The following KHDRBS2 variants were observed in gnomAD, a reference collection of about 807,000 sequenced individuals.
KHDRBS2 encodes KH RNA binding domain containing, signal transduction associated 2, also known as KH domain-containing, RNA-binding, signal transduction-associated protein 2.
A neutral mutation model predicts 44.3 loss-of-function variants in KHDRBS2; 26 were observed. The observed-to-expected ratio is 0.59, with a 90% confidence interval of 0.43 to 0.81. The LOEUF is 0.81. Ranked by LOEUF, KHDRBS2 falls within the 40% of genes least tolerant of loss-of-function variation. KHDRBS2 has a pLI of 0.00. For synonymous variants in KHDRBS2, 194 were observed against 151.1 expected (o/e 1.28, Z -2.08); for missense variants, 476 against 433.1 (o/e 1.10, Z -0.88).
At chr6:61,924,410 A>T (rs2127361475) in intron 4 of KHDRBS2, among the ~76,000 whole-genome samples, 1 of 152,240 alleles carries the variant, frequency 6.6e-6, no homozygotes, top group Admixed American at 6.5e-5. Flanking sequence ...AGCTGCATAC[A>T]TCAAAACATT....
intron 6 of KHDRBS2, among the ~76,000 whole-genome samples, chr6:61,756,836 C>T (rs1582637119): frequency 6.6e-6 from 1 of 152,286 alleles, no homozygotes; most frequent in South Asian, 2.1e-4. Context: ...CAAATGTTTT[C>T]TCTTGCTATT....
chr6:61,543,204 A>G, the KHDRBS2 span, among the ~76,000 whole-genome samples: 1 of 152,054 alleles, frequency 6.6e-6, no homozygotes, highest in Non-Finnish European at 1.5e-5. Flanking sequence ...AATATTTGCA[A>G]ACTATCCATC....
intron 7 of KHDRBS2, among the ~76,000 whole-genome samples, chr6:61,721,253 G>A (rs1562028736): frequency 1.3e-5 from 2 of 152,116 alleles, no homozygotes; most frequent in African/African-American, 2.4e-5. Context: ...GATTGACTGG[G>A]CGACGCGGGC....
intron 4 of KHDRBS2, among the ~76,000 whole-genome samples, chr6:61,930,310 A>C (rs565951082): frequency 1.3e-5 from 2 of 152,188 alleles, no homozygotes; most frequent in South Asian, 4.1e-4. Flanking sequence ...GCACAAATGG[A>C]GTAAATTAAC....
chr6:61,641,375 C>G, the KHDRBS2 span, among the ~76,000 whole-genome samples: 1 of 152,166 alleles, frequency 6.6e-6, no homozygotes, highest in South Asian at 2.1e-4. Context: ...AGTCTACACT[C>G]TAATCTTGAC....
At chr6:62,197,858 G>A (rs1441672408) in intron 1 of KHDRBS2, among the ~76,000 whole-genome samples, 1 of 152,068 alleles carries the variant, frequency 6.6e-6, no homozygotes. Flanking sequence ...CTCAGCAAAC[G>A]TAAAAGAACA....
intron 3 of KHDRBS2, among the ~76,000 whole-genome samples, chr6:62,023,666 A>T (rs1782742185): frequency 6.6e-6 from 1 of 151,592 alleles, no homozygotes; most frequent in African/African-American, 2.4e-5. Flanking sequence ...AAAAAACAAA[A>T]ACATAAAAGA....
At chr6:62,189,330 T>C (rs1824114197) in intron 1 of KHDRBS2, among the ~76,000 whole-genome samples, 1 of 151,846 alleles carries the variant, frequency 6.6e-6, no homozygotes, top group African/African-American at 2.4e-5. Flanking sequence ...ACCACTTCTT[T>C]TTTTTAAATT....
chr6:61,744,499 A>C (rs1776605090), intron 6 of KHDRBS2, among the ~76,000 whole-genome samples: 1 of 152,150 alleles, frequency 6.6e-6, no homozygotes, highest in African/African-American at 2.4e-5. Context: ...TGGCATAACC[A>C]GCCAGAAAGC....
At chr6:62,271,991 A>G (rs1301192387) in intron 1 of KHDRBS2, among the ~76,000 whole-genome samples, 2 of 152,166 alleles carry the variant, frequency 1.3e-5, no homozygotes, top group East Asian at 1.9e-4. Context: ...ACTTACCACT[A>G]TTGACTAACT....
the KHDRBS2 span, among the ~76,000 whole-genome samples, chr6:61,612,991 T>C: frequency 6.6e-6 from 1 of 151,802 alleles, no homozygotes; most frequent in East Asian, 2.0e-4. Context: ...TAGCTGGGAC[T>C]ACAGGTGCCC....
intron 1 of KHDRBS2, among the ~76,000 whole-genome samples, chr6:62,222,131 T>C (rs1324447211): frequency 1.3e-5 from 2 of 152,102 alleles, no homozygotes; most frequent in African/African-American, 4.8e-5. Context: ...CACTTCTAAT[T>C]GTGTGATAAA....
At chr6:61,813,160 G>T (rs1473666866) in intron 6 of KHDRBS2, among the ~76,000 whole-genome samples, 2 of 152,048 alleles carry the variant, frequency 1.3e-5, no homozygotes, top group Non-Finnish European at 2.9e-5. Flanking sequence ...ACAGGAATTA[G>T]AATGGAAAAA....
At chr6:61,743,757 A>C (rs912740066) in intron 6 of KHDRBS2, among the ~76,000 whole-genome samples, 7 of 150,346 alleles carry the variant, frequency 4.7e-5, no homozygotes, top group Admixed American at 2.0e-4. Context: ...CATTAAGTAT[A>C]TCTCTTAATG....
At chr6:61,884,489 CTG>C (rs1800639016) in intron 6 of KHDRBS2, among the ~76,000 whole-genome samples, 1 of 152,008 alleles carries the variant, frequency 6.6e-6, no homozygotes, top group African/African-American at 2.4e-5. Context: ...AAACTGGAAA[CTG>C]TTTTGTCTAC....
intron 2 of KHDRBS2, among the ~76,000 whole-genome samples, chr6:62,118,948 C>G (rs572855563): frequency 6.6e-6 from 1 of 152,112 alleles, no homozygotes; most frequent in African/African-American, 2.4e-5. Flanking sequence ...GGGAATTTCA[C>G]CTTGTGGTCA....
chr6:61,566,949 T>C, the KHDRBS2 span, among the ~76,000 whole-genome samples: 1 of 152,192 alleles, frequency 6.6e-6, no homozygotes, highest in Non-Finnish European at 1.5e-5. Flanking sequence ...GAAGAAAGAC[T>C]GAACCCAACT....
intron 4 of KHDRBS2, among the ~76,000 whole-genome samples, chr6:61,958,458 A>G (rs1230114938): frequency 1.3e-5 from 2 of 152,118 alleles, no homozygotes; most frequent in Non-Finnish European, 2.9e-5. Flanking sequence ...CCTGGATGTA[A>G]TTTCATTCAT....
intron 6 of KHDRBS2, among the ~76,000 whole-genome samples, chr6:61,870,613 C>A (rs568367030): frequency 6.6e-6 from 1 of 152,218 alleles, no homozygotes; most frequent in African/African-American, 2.4e-5. Context: ...ATAGACACCT[C>A]GTACAGGAGA....
Sources: allele counts gnomAD v4.1 joint callset (sites outside exome capture counted in the v4.1 genomes callset), GRCh38; gene constraint gnomAD v4.1.1; transcripts MANE v1.5; gene names NCBI Gene and HGNC (gene_info 2026-07-23, HGNC 2026-07-21).